Variants in KIAA1328 observed in about 807,000 individuals in gnomAD.
The protein encoded by KIAA1328 is protein hinderin.
KIAA1328 carries 52 observed loss-of-function variants against 68.1 expected under a neutral mutation model. That is an observed-to-expected ratio of 0.76 (90% CI 0.61 to 0.96). The LOEUF (loss-of-function observed/expected upper bound fraction) is 0.96. Ranked by LOEUF, KIAA1328 falls within the 40% of genes least tolerant of loss-of-function variation. The pLI is 0.00. For synonymous variants in KIAA1328, 232 were observed against 239.4 expected (o/e 0.97, Z 0.28); for missense variants, 641 against 677.6 (o/e 0.95, Z 0.60).
In KIAA1328 at chr18:36,835,340, G is replaced by A; in HGVS notation, c.201G>A (p.Glu67=). 1 of 1,613,536 alleles carries A rather than the reference G, an allele frequency of 6.2e-7. No homozygotes were observed. The highest frequency in any genetic ancestry group is 8.5e-7 in the Non-Finnish European group (1 of 1,179,662). ...TGACTGATGCTTCAATCTCCATGGAGTCCTTAAAAGGCACAGGAGATTCAG... is the reference window on the plus strand; with the variant it reads ...TGACTGATGCTTCAATCTCCATGGAATCCTTAAAAGGCACAGGAGATTCAG... ...SRVTDASISM[E]SLKGTGDSVD... Residue 67 remains glutamate (E), a synonymous_variant, in exon 3 of 10, where the codon GAG becomes GAA. Coordinates refer to ENST00000280020, the MANE Select transcript of KIAA1328 (RefSeq NM_020776.3).
intron 6 of KIAA1328, among the ~76,000 whole-genome samples, chr18:37,061,675 C>A (rs961114002): frequency 6.6e-6 from 1 of 152,152 alleles, no homozygotes; most frequent in African/African-American, 2.4e-5. Flanking sequence ...CTATTTCATT[C>A]AGGCCCATTG....
intron 9 of KIAA1328, among the ~76,000 whole-genome samples, chr18:37,179,060 G>A (rs118017516): frequency 0.01 from 1,590 of 152,256 alleles, 45 homozygotes; most frequent in Admixed American, 0.061. Flanking sequence ...CCTTTGCTGT[G>A]CAGAAGCTTT....
At chr18:37,151,793 A>G (rs1352713069) in intron 7 of KIAA1328, among the ~76,000 whole-genome samples, 1 of 152,184 alleles carries the variant, frequency 6.6e-6, no homozygotes, top group Non-Finnish European at 1.5e-5. Context: ...TTGAGGCATT[A>G]AAGTGCGAGT....
In KIAA1328 at chr18:37,069,030, T is replaced by A. The variant is rs2056440023; in HGVS notation, c.1232+1485T>A. On this transcript the variant is annotated intron_variant, in intron 7 of 9. Coordinates refer to ENST00000280020, the MANE Select transcript of KIAA1328 (RefSeq NM_020776.3). ...TTTCTGTTACGGATTATATAAAGTT[T>A]TATCATAGGTGTTGAATTTTGTCAA... Among the ~76,000 whole-genome samples, 4 of 152,206 alleles carry A rather than the reference T, an allele frequency of 2.6e-5. No homozygotes were observed. The South Asian group carries it at 8.3e-4, about 31-fold the overall frequency.
chr18:36,882,511 C>A (rs1184937825), intron 4 of KIAA1328, among the ~76,000 whole-genome samples: 1 of 152,106 alleles, frequency 6.6e-6, no homozygotes, highest in Non-Finnish European at 1.5e-5. Context: ...AGAAGCCATG[C>A]ATATCTTTAG....
intron 6 of KIAA1328, among the ~76,000 whole-genome samples, chr18:37,059,915 C>A (rs1485875369): frequency 2.0e-5 from 3 of 151,466 alleles, no homozygotes; most frequent in Non-Finnish European, 2.9e-5. Flanking sequence ...TGGAAACCAT[C>A]ATTCTCAGCA....
At chr18:37,075,467 A>G (rs1403573623) in intron 7 of KIAA1328, 2 of 152,196 alleles carry the variant, frequency 1.3e-5, no homozygotes, top group South Asian at 2.1e-4. Context: ...GACAGGAACA[A>G]ATTCACACAT....
intron 9 of KIAA1328, among the ~76,000 whole-genome samples, chr18:37,194,680 T>C (rs953303456): frequency 6.6e-6 from 1 of 152,188 alleles, no homozygotes; most frequent in African/African-American, 2.4e-5. Flanking sequence ...TGTTTTGTTT[T>C]TTGAGACAAA....
chr18:36,957,277 G>A (rs1287689659), intron 5 of KIAA1328, among the ~76,000 whole-genome samples: 2 of 152,102 alleles, frequency 1.3e-5, no homozygotes, highest in Non-Finnish European at 2.9e-5. Flanking sequence ...TATTGTAAAA[G>A]TATGTATACA....
At chr18:37,079,230 A>G (rs1599185932) in intron 7 of KIAA1328, among the ~76,000 whole-genome samples, 1 of 114,414 alleles carries the variant, frequency 8.7e-6, no homozygotes, top group South Asian at 2.4e-4. Context: ...TATCGCAAGG[A>G]CAGAAAACCA....
intron 7 of KIAA1328, among the ~76,000 whole-genome samples, chr18:37,125,870 C>T (rs547251709): frequency 6.6e-6 from 1 of 152,284 alleles, no homozygotes; most frequent in East Asian, 1.9e-4. Context: ...ACAGTTGGTA[C>T]AGATATTCTG....
At position 36,993,129 on chromosome 18, in the gene KIAA1328, A is replaced by C. The variant is rs146363980; in HGVS notation, c.576+33694A>C. Among the ~76,000 whole-genome samples, 645 of 152,292 alleles carry C rather than the reference A, an allele frequency of 4.2e-3. 8 individuals carry two copies. The highest frequency in any genetic ancestry group is 0.02 in the Admixed American group (313 of 15,298). Reference sequence around the variant, plus strand: ...TCAAAAAAACAAACAAACAAACAAAAAAAAGTAGTAAAAATGAAAAGCTGA... The same window carrying C: ...TCAAAAAAACAAACAAACAAACAAACAAAAGTAGTAAAAATGAAAAGCTGA... On this transcript the variant is annotated intron_variant, in intron 6 of 9. Transcript: ENST00000280020.
chr18:37,052,422 T>A (rs570734518), intron 6 of KIAA1328, among the ~76,000 whole-genome samples: 1 of 152,158 alleles, frequency 6.6e-6, no homozygotes, highest in South Asian at 2.1e-4. Flanking sequence ...TTACCCCTAA[T>A]AACTGGAACA....
At chr18:36,892,224 C>CA (rs559147713) in intron 5 of KIAA1328, among the ~76,000 whole-genome samples, 1 of 151,626 alleles carries the variant, frequency 6.6e-6, no homozygotes, top group South Asian at 2.1e-4. Flanking sequence ...AAAATTTTCA[C>CA]AAAAAAAGAA....
intron 4 of KIAA1328, among the ~76,000 whole-genome samples, chr18:36,862,323 C>T (rs1291371976): frequency 2.0e-5 from 3 of 152,192 alleles, no homozygotes; most frequent in Admixed American, 1.3e-4. Flanking sequence ...CTTTTCTACT[C>T]ATGCTATCTT....
chr18:37,194,568 T>C (rs943718894), intron 9 of KIAA1328, among the ~76,000 whole-genome samples: 27 of 152,198 alleles, frequency 1.8e-4, no homozygotes, highest in Admixed American at 1.4e-3. Context: ...ATACAAATGA[T>C]TTTTTTGGTC....
intron 7 of KIAA1328, among the ~76,000 whole-genome samples, chr18:37,079,632 T>TA (rs1418813809): frequency 6.6e-6 from 1 of 152,102 alleles, no homozygotes; most frequent in African/African-American, 2.4e-5. Context: ...CTCATGCCTG[T>TA]AATTCCAGCA....
intron 1 of KIAA1328, among the ~76,000 whole-genome samples, chr18:36,831,991 A>G (rs899969837): frequency 6.6e-6 from 1 of 152,228 alleles, no homozygotes; most frequent in African/African-American, 2.4e-5. Flanking sequence ...ACTACTATTT[A>G]TATAGCATGT....
In KIAA1328 at chr18:37,065,809, A is replaced by G. The variant is rs114454285; in HGVS notation, c.577-1081A>G. Among the ~76,000 whole-genome samples the G allele has an allele frequency of 6.9e-3, 1,048 of 152,328 alleles. 16 individuals are homozygous for G. Among genetic ancestry groups the G allele is most frequent in the African/African-American group, 0.023 (974 of 41,578 alleles). On this transcript the variant is annotated intron_variant, in intron 6 of 9. Coordinates refer to ENST00000280020, the MANE Select transcript of KIAA1328 (RefSeq NM_020776.3). ...ATTAAACTATAATATTTCTGTTTGG[A>G]CAACGTGGAATCTAGATACACCATG...
Sources: gnomAD v4.1 joint callset for allele counts (sites outside exome capture counted in the v4.1 genomes callset) on GRCh38, gnomAD v4.1.1 for gene constraint, MANE v1.5 for transcripts, NCBI Gene and HGNC (gene_info 2026-07-23, HGNC 2026-07-21) for gene names.